Variants in DPY19L2 observed in about 807,000 individuals in gnomAD.
DPY19L2 encodes dpy-19 like 2.
A neutral mutation model predicts 97.9 loss-of-function variants in DPY19L2; 34 were observed. That is an observed-to-expected ratio of 0.35 (90% CI 0.26 to 0.46). DPY19L2 has a LOEUF of 0.46. Among genes scored for constraint, DPY19L2 ranks in the 20% least tolerant of loss-of-function variants. The pLI is 1.00. For missense variants in DPY19L2, 623 were observed against 911.4 expected (o/e 0.68, Z 4.07); for synonymous variants, 230 against 307.9 (o/e 0.75, Z 2.65).
intron 4 of DPY19L2, among the ~76,000 whole-genome samples, chr12:63,654,384 A>G (rs1894682813): frequency 1.3e-5 from 2 of 152,142 alleles, no homozygotes; most frequent in Admixed American, 1.3e-4. Flanking sequence ...TTCAAATAAA[A>G]TGTTCTGCCA....
At chr12:63,652,973 A>T (rs1484826217) in intron 4 of DPY19L2, among the ~76,000 whole-genome samples, 1 of 152,202 alleles carries the variant, frequency 6.6e-6, no homozygotes, top group Non-Finnish European at 1.5e-5. Flanking sequence ...AGAACACATA[A>T]AGAAAAGTCA....
intron 6 of DPY19L2, among the ~76,000 whole-genome samples, chr12:63,639,925 A>C (rs1399588281): frequency 6.6e-6 from 1 of 152,196 alleles, no homozygotes; most frequent in Non-Finnish European, 1.5e-5. Flanking sequence ...GGCACTATTC[A>C]CAATAGCAAA....
chr12:63,621,989 A>C (rs1195340901), intron 8 of DPY19L2, among the ~76,000 whole-genome samples: 1 of 152,124 alleles, frequency 6.6e-6, no homozygotes, highest in Non-Finnish European at 1.5e-5. Flanking sequence ...GTAAAACTGC[A>C]ACTCTTCCTT....
intron 17 of DPY19L2, 69 bp from the exon 18 acceptor site, chr12:63,582,594 A>T: frequency 6.9e-7 from 1 of 1,453,640 alleles, no homozygotes; most frequent in South Asian, 1.3e-5. Flanking sequence ...AAGTATATTA[A>T]AACTATATTA....
At chr12:63,659,761 T>C (rs1317918397) in intron 4 of DPY19L2, among the ~76,000 whole-genome samples, 1 of 152,108 alleles carries the variant, frequency 6.6e-6, no homozygotes, top group African/African-American at 2.4e-5. Flanking sequence ...ATTCCAAAAA[T>C]GTTTTGTAAC....
intron 4 of DPY19L2, among the ~76,000 whole-genome samples, chr12:63,648,476 G>C (rs1565837245): frequency 6.6e-6 from 1 of 151,704 alleles, no homozygotes; most frequent in Non-Finnish European, 1.5e-5. Flanking sequence ...ACTCAGGCTG[G>C]AGTGCAGTGG....
intron 6 of DPY19L2, among the ~76,000 whole-genome samples, chr12:63,639,756 C>T (rs1892377176): frequency 6.6e-6 from 1 of 152,110 alleles, no homozygotes; most frequent in Non-Finnish European, 1.5e-5. Context: ...GTTGGTGGGA[C>T]TGTAAACTAG....
In DPY19L2 at chr12:63,668,399, A is replaced by G. The variant is rs1306793909; in HGVS notation, c.-6T>C. On this transcript the variant is annotated 5_prime_UTR_variant, in exon 1 of 22. Transcript: ENST00000324472. ...CTTACTCCTTGTTTTCTCATAATCA[A>G]GGAGTATGGTGGAGCTGGGTCAATT... is the stretch of plus-strand genomic sequence containing the variant. The G allele has an allele frequency of 3.1e-6, 5 of 1,602,428 alleles. No individual in the cohort carries two copies. Among genetic ancestry groups the G allele is most frequent in the Non-Finnish European group, 4.3e-6 (5 of 1,174,738 alleles).
At chr12:63,661,201 T>C (rs1895628627) in intron 4 of DPY19L2, 143 bp downstream of exon 4, 3 of 763,264 alleles carry the variant, frequency 3.9e-6, no homozygotes, top group Non-Finnish European at 1.9e-6. Flanking sequence ...GAGGAACTTA[T>C]GATATTCTAC....
chr12:63,588,785 A>G (rs551821918), intron 16 of DPY19L2, among the ~76,000 whole-genome samples: 6 of 133,850 alleles, frequency 4.5e-5, no homozygotes, highest in Admixed American at 2.7e-4. Context: ...ACGGAGTCTC[A>G]CTCTGTCGCC....
intron 6 of DPY19L2, among the ~76,000 whole-genome samples, chr12:63,634,126 C>A (rs531804291): frequency 6.6e-6 from 1 of 152,170 alleles, no homozygotes; most frequent in African/African-American, 2.4e-5. Context: ...TGATGAGTTA[C>A]TGGGTGCAGC....
At position 63,560,359 on chromosome 12, in the gene DPY19L2, C is replaced by T. The variant is rs1876231706; in HGVS notation, c.*153G>A. On this transcript the variant is annotated 3_prime_UTR_variant, in exon 22 of 22. Transcript: ENST00000324472. ...ATTCAATGAACAGAAAAGTAATTTA[C>T]CTTTTAGTAATCAGAAAAATTTCCA... The T allele has an allele frequency of 3.3e-6, 3 of 913,620 alleles. No individual in the cohort carries two copies. The South Asian group carries it at 7.4e-5, about 23-fold the overall frequency. 56.6% of individuals were successfully genotyped at this position (913,620 alleles called of 1,614,324 possible).
At chr12:63,623,590 A>G (rs1287975823) in intron 8 of DPY19L2, among the ~76,000 whole-genome samples, 3 of 152,180 alleles carry the variant, frequency 2.0e-5, no homozygotes, top group African/African-American at 7.2e-5. Context: ...CAATTTTTAC[A>G]TAGCAATTTT....
intron 4 of DPY19L2, among the ~76,000 whole-genome samples, chr12:63,658,237 G>T (rs1474000695): frequency 6.6e-6 from 1 of 152,168 alleles, no homozygotes; most frequent in African/African-American, 2.4e-5. Context: ...GCTCACGCCT[G>T]TAATCCCAGC....
At chr12:63,625,412 G>A (rs868367781) in intron 7 of DPY19L2, among the ~76,000 whole-genome samples, 9 of 150,208 alleles carry the variant, frequency 6.0e-5, no homozygotes, top group Non-Finnish European at 1.0e-4. Context: ...AAAAAAAAAA[G>A]TACTTCTACC....
intron 9 of DPY19L2, chr12:63,620,208 A>G (rs941985004): frequency 7.8e-5 from 23 of 293,514 alleles, no homozygotes; most frequent in Non-Finnish European, 1.2e-4. Flanking sequence ...GTTTCTTGTT[A>G]CTAGTTATGT....
chr12:63,607,592 A>C (rs1181314915), intron 12 of DPY19L2, among the ~76,000 whole-genome samples: 1 of 152,218 alleles, frequency 6.6e-6, no homozygotes, highest in Non-Finnish European at 1.5e-5. Flanking sequence ...TATTGTGGGT[A>C]GGAACCTACC....
At chr12:63,643,969 G>A (rs1415257698) in intron 6 of DPY19L2, among the ~76,000 whole-genome samples, 3 of 152,088 alleles carry the variant, frequency 2.0e-5, no homozygotes, top group Admixed American at 1.3e-4. Flanking sequence ...CTGCTTCATC[G>A]TGGTACTCTT....
At chr12:63,582,279 T>C in intron 18 of DPY19L2, 127 bp downstream of exon 18, 1 of 954,790 alleles carries the variant, frequency 1.0e-6, no homozygotes, top group Middle Eastern at 3.6e-4. Context: ...TTTTAAATCA[T>C]TTAACTTAGT....
Sources: allele counts gnomAD v4.1 joint callset (sites outside exome capture counted in the v4.1 genomes callset), GRCh38; gene constraint gnomAD v4.1.1; transcripts MANE v1.5; gene names NCBI Gene and HGNC (gene_info 2026-07-23, HGNC 2026-07-21).